UGGT2: variants seen among roughly 807,000 people sequenced by gnomAD.
UGGT2 encodes UDP-glucose glycoprotein glucosyltransferase 2, also known as UDP-glucose:glycoprotein glucosyltransferase 2.
In UGGT2, 180 loss-of-function variants were observed where a neutral mutation model predicts 192.1. That is an observed-to-expected ratio of 0.94 (90% CI 0.83 to 1.06). The LOEUF (loss-of-function observed/expected upper bound fraction) is 1.06, where lower values mean the gene tolerates loss of function less well. UGGT2 is among the 50% of genes least tolerant of loss of function. The pLI is 0.00. For synonymous variants in UGGT2, 580 were observed against 591.0 expected (o/e 0.98, Z 0.27); for missense variants, 1,849 against 1,795.7 (o/e 1.03, Z -0.54).
rs1294398702 is a variant in UGGT2, at chr13:96,023,611, T to C, written c.372+18A>G. The C allele has an allele frequency of 2.5e-6, 4 of 1,599,228 alleles. No homozygotes were observed. Among genetic ancestry groups the C allele is most frequent in the East Asian group, 4.5e-5 (2 of 44,516 alleles). On this transcript the variant is annotated intron_variant, in intron 3 of 38. Transcript: ENST00000376747. Reference sequence around the variant, plus strand: ...AGCGTGCCTCTTTGTCAAATACAGATTGGGTATTTTTACGCACCTGCTGAA... The same window carrying C: ...AGCGTGCCTCTTTGTCAAATACAGACTGGGTATTTTTACGCACCTGCTGAA...
At chr13:95,866,881 G>A (rs749618166) in intron 30 of UGGT2, among the ~76,000 whole-genome samples, 6 of 151,676 alleles carry the variant, frequency 4.0e-5, no homozygotes, top group Admixed American at 6.6e-5. Flanking sequence ...ATTATTCTCC[G>A]TTCCTCATTG....
chr13:95,883,808 C>T (rs539192050), intron 27 of UGGT2, among the ~76,000 whole-genome samples: 11 of 152,210 alleles, frequency 7.2e-5, no homozygotes, highest in African/African-American at 2.6e-4. Flanking sequence ...TCTTCCAAAA[C>T]GCTTCCCTTT....
chr13:95,833,892 C>T (rs1886994078), intron 37 of UGGT2, among the ~76,000 whole-genome samples: 1 of 152,144 alleles, frequency 6.6e-6, no homozygotes, highest in South Asian at 2.1e-4. Flanking sequence ...AGGCAGGAAG[C>T]AACTTGAAGC....
chr13:95,895,154 A>G (rs374444989), intron 23 of UGGT2, 26 bp downstream of exon 23: 2 of 1,552,040 alleles, frequency 1.3e-6, no homozygotes, highest in Admixed American at 4.7e-5. Flanking sequence ...CCCAAAATGA[A>G]TTGCTCTTAG....
At position 96,023,623 on chromosome 13, in the gene UGGT2, A is replaced by G. The variant is rs199745783; in HGVS notation, c.372+6T>C. ...TGTCAAATACAGATTGGGTATTTTT[A>G]CGCACCTGCTGAAACATCTGAATAG... On this transcript the variant is annotated splice_donor_region_variant and intron_variant, in intron 3 of 38. Transcript: ENST00000376747. 137 of 1,603,148 alleles carry G rather than the reference A, an allele frequency of 8.5e-5. No homozygotes were observed. In the African/African-American group the frequency reaches 1.8e-3, roughly 21 times the overall value.
At chr13:96,017,488 C>A (rs2052375413) in intron 4 of UGGT2, among the ~76,000 whole-genome samples, 1 of 152,180 alleles carries the variant, frequency 6.6e-6, no homozygotes, top group African/African-American at 2.4e-5. Flanking sequence ...GTACAGACTG[C>A]AGAACCATAA....
chr13:95,829,872 TTAAAC>T (rs1886470674), intron 38 of UGGT2, among the ~76,000 whole-genome samples: 1 of 152,130 alleles, frequency 6.6e-6, no homozygotes, highest in African/African-American at 2.4e-5. Context: ...CTACCTGACT[TTAAAC>T]TACACTACAA....
intron 21 of UGGT2, among the ~76,000 whole-genome samples, chr13:95,902,475 T>A (rs1271595101): frequency 6.6e-6 from 1 of 152,088 alleles, no homozygotes; most frequent in African/African-American, 2.4e-5. Flanking sequence ...TCAATATGTA[T>A]TTTTTGAATG....
chr13:96,045,774 A>G (rs2053292339), intron 1 of UGGT2, among the ~76,000 whole-genome samples: 1 of 152,198 alleles, frequency 6.6e-6, no homozygotes, highest in African/African-American at 2.4e-5. Context: ...GAATACACCT[A>G]ACAAATGAGG....
intron 2 of UGGT2, among the ~76,000 whole-genome samples, chr13:96,027,249 G>A (rs746270340): frequency 2.6e-5 from 4 of 152,180 alleles, no homozygotes; most frequent in Non-Finnish European, 5.9e-5. Flanking sequence ...AAAGAAATGT[G>A]AGTAGTGCCT....
chr13:95,925,628 T>C, intron 20 of UGGT2, 52 bp downstream of exon 20: 1 of 1,225,730 alleles, frequency 8.2e-7, no homozygotes, highest in Middle Eastern at 2.7e-4. Context: ...CATATTGCTT[T>C]CCTTAAATTG....
chr13:95,959,084 G>A (rs1339914346), intron 12 of UGGT2, among the ~76,000 whole-genome samples: 2 of 152,142 alleles, frequency 1.3e-5, no homozygotes, highest in Admixed American at 6.5e-5. Context: ...ACTGTGTCCT[G>A]CCCTGGGGCC....
intron 20 of UGGT2, among the ~76,000 whole-genome samples, chr13:95,920,501 G>GA (rs562921144): frequency 2.0e-5 from 3 of 151,106 alleles, no homozygotes; most frequent in South Asian, 2.1e-4. Flanking sequence ...AAATTTACAA[G>GA]AAAAAAACAA....
chr13:95,928,012 CAGA>C (rs1268492262), intron 17 of UGGT2, among the ~76,000 whole-genome samples: 2 of 152,348 alleles, frequency 1.3e-5, no homozygotes, highest in Non-Finnish European at 2.9e-5. Context: ...CATCCCAAGG[CAGA>C]AGAATTTTTC....
intron 30 of UGGT2, among the ~76,000 whole-genome samples, chr13:95,866,213 T>TA (rs977794215): frequency 6.6e-6 from 1 of 152,192 alleles, no homozygotes; most frequent in Non-Finnish European, 1.5e-5. Flanking sequence ...AGTTCTACTT[T>TA]AAAAAAATCT....
At chr13:96,041,651 C>A (rs778955812) in intron 1 of UGGT2, among the ~76,000 whole-genome samples, 3 of 152,156 alleles carry the variant, frequency 2.0e-5, no homozygotes, top group Non-Finnish European at 4.4e-5. Flanking sequence ...GCTCGCCCAC[C>A]GCCTGGAAAC....
chr13:95,811,012 C>T (rs1052103545), intron 38 of UGGT2, among the ~76,000 whole-genome samples: 1 of 152,156 alleles, frequency 6.6e-6, no homozygotes, highest in Non-Finnish European at 1.5e-5. Context: ...AGATGGTGAA[C>T]ATCATTTGCC....
At position 96,046,417 on chromosome 13, in the gene UGGT2, T is replaced by C. The variant is rs150519136; in HGVS notation, c.158+6738A>G. On this transcript the variant is annotated intron_variant, in intron 1 of 38. Coordinates refer to ENST00000376747, the MANE Select transcript of UGGT2 (RefSeq NM_020121.4). ...ACCTCAGAAAAACCCTTTTAGACATTGGCTTAGGCAAGGATTTCATGACCA... is the reference window on the plus strand; with the variant it reads ...ACCTCAGAAAAACCCTTTTAGACATCGGCTTAGGCAAGGATTTCATGACCA... Among the ~76,000 whole-genome samples the C allele has an allele frequency of 6.6e-4, 100 of 152,334 alleles. 1 individual carries two copies. The East Asian group carries it at 0.019, about 29-fold the overall frequency.
intron 10 of UGGT2, among the ~76,000 whole-genome samples, chr13:95,983,184 G>T (rs776118796): frequency 6.6e-6 from 1 of 152,196 alleles, no homozygotes; most frequent in Non-Finnish European, 1.5e-5. Flanking sequence ...GATAAATGTG[G>T]TTGGTACCAT....
Sources: allele counts gnomAD v4.1 joint callset (sites outside exome capture counted in the v4.1 genomes callset), GRCh38; gene constraint gnomAD v4.1.1; transcripts MANE v1.5; gene names NCBI Gene and HGNC (gene_info 2026-07-23, HGNC 2026-07-21).